NOD2: variants seen among roughly 807,000 people sequenced by gnomAD.
NOD2 encodes nucleotide binding oligomerization domain containing 2.
Under a neutral mutation model 90.9 loss-of-function variants are expected in NOD2, and 86 were observed. That is an observed-to-expected ratio of 0.95 (90% CI 0.79 to 1.13). NOD2 has a LOEUF of 1.13. NOD2 is among the 50% of genes most tolerant of loss of function. NOD2 has a pLI of 0.00. For missense variants in NOD2, 1,238 were observed against 1,283.8 expected (o/e 0.96, Z 0.55); for synonymous variants, 581 against 554.6 (o/e 1.05, Z -0.67).
intron 3 of NOD2, among the ~76,000 whole-genome samples, chr16:50,709,389 G>A (rs1053770911): frequency 1.3e-5 from 2 of 152,132 alleles, no homozygotes; most frequent in Non-Finnish European, 2.9e-5. Context: ...TGATGGCGGG[G>A]GACCATGCCA....
chr16:50,727,351 G>A lies in NOD2; in HGVS notation c.2885+1779G>A, dbSNP rs567619030. 4 of 166,210 alleles carry A rather than the reference G, an allele frequency of 2.4e-5. No homozygotes were observed. The Admixed American group carries it at 2.5e-4, about 10-fold the overall frequency. The allele number at this position is 166,210 out of a possible 1,614,324, so 10.3% of individuals were successfully genotyped here. On this transcript the variant is annotated intron_variant, in intron 10 of 11. Transcript: ENST00000647318. ...CACTGAGAGAATGTAGCTAACAAAA[G>A]TGAGTTGTAGGTTGGAGCAAAAGTA...
intron 10 of NOD2, among the ~76,000 whole-genome samples, chr16:50,729,610 T>C (rs898284577): frequency 6.6e-6 from 1 of 152,254 alleles, no homozygotes; most frequent in African/African-American, 2.4e-5. Flanking sequence ...TAAACTCATC[T>C]AGTGAATGGA....
intron 11 of NOD2, among the ~76,000 whole-genome samples, chr16:50,731,487 GC>G (rs1332057744): frequency 6.6e-6 from 1 of 152,140 alleles, no homozygotes; most frequent in African/African-American, 2.4e-5. Flanking sequence ...AGAATCACTG[GC>G]CTTGGGGAGT....
intron 11 of NOD2, 134 bp from the exon 12 acceptor site, chr16:50,731,613 C>A: frequency 1.4e-6 from 1 of 715,338 alleles, no homozygotes; most frequent in Non-Finnish European, 2.5e-6. Flanking sequence ...CCTGACTTCC[C>A]TGCAAGAAAC....
intron 1 of NOD2, among the ~76,000 whole-genome samples, chr16:50,695,459 T>C (rs1393953398): frequency 1.3e-5 from 2 of 152,052 alleles, no homozygotes; most frequent in African/African-American, 2.4e-5. Flanking sequence ...CTTGTGGAGT[T>C]TGAGCTGCCC....
intron 4 of NOD2, chr16:50,713,505 G>A (rs920621477): frequency 1.3e-5 from 2 of 151,990 alleles, no homozygotes; most frequent in African/African-American, 2.4e-5. Context: ...CATATATAGC[G>A]AATATATATA....
chr16:50,710,115 A>T (rs1964391279), intron 3 of NOD2: 3 of 433,080 alleles, frequency 6.9e-6, no homozygotes, highest in Non-Finnish European at 9.2e-6. Context: ...GATTTATCCA[A>T]AGCCACCCGG....
intron 2 of NOD2, 116 bp downstream of exon 2, chr16:50,700,070 C>T (rs1963869385): frequency 1.1e-6 from 1 of 936,684 alleles, no homozygotes; most frequent in East Asian, 2.6e-5. Context: ...GGGATTTCCC[C>T]TAAAAAGGTA....
intron 2 of NOD2, among the ~76,000 whole-genome samples, chr16:50,703,828 A>G (rs1292946336): frequency 1.3e-5 from 2 of 152,190 alleles, no homozygotes; most frequent in Non-Finnish European, 2.9e-5. Flanking sequence ...CTGGGAAGTC[A>G]GTCGGCAATG....
Position 50,710,835 on chromosome 16 carries a change from C to A in NOD2, c.843C>A (p.Leu281=), listed in dbSNP as rs1314130806. 6.2e-7 allele frequency: 1 copy of A among 1,614,084 alleles called. No homozygotes were observed. The highest frequency in any genetic ancestry group is 1.7e-5 in the Admixed American group (1 of 60,032). Residue 281 remains leucine, a synonymous_variant, in exon 4 of 12, where the codon CTC becomes CTA. Coordinates refer to ENST00000647318, the MANE Select transcript of NOD2 (RefSeq NM_001370466.1). The part of the protein sequence containing the change: ...VGEAGSGKST[L]LQRLHLLWAA... The stretch of plus-strand genomic sequence containing the variant: ...AGGCGGGCAGTGGCAAGAGCACGCT[C>A]CTGCAGCGGCTGCACTTGCTGTGGG...
At chr16:50,730,494 T>A (rs1259114915) in intron 11 of NOD2, among the ~76,000 whole-genome samples, 1 of 152,224 alleles carries the variant, frequency 6.6e-6, no homozygotes, top group African/African-American at 2.4e-5. Context: ...CCTTCTTGTT[T>A]CCAGGGATCT....
chr16:50,707,896 A>C lies in NOD2; in HGVS notation c.501A>C (p.Gly167=). The change falls in exon 3 of 12, where the codon GGA becomes GGC. Residue 167 remains glycine (G), a synonymous_variant. Transcript: ENST00000647318. ...ATCTTGCCACGGTGAAAGCGAATGG[A>C]TTGGCTGCCTTCCTTCTACAACATG... is the stretch of plus-strand genomic sequence containing the variant. ...LLDLATVKAN[G]LAAFLLQHVQ... 6.2e-7 allele frequency: 1 copy of C among 1,614,112 alleles called. No individual in the cohort carries two copies. The highest frequency in any genetic ancestry group is 8.5e-7 in the Non-Finnish European group (1 of 1,179,988).
chr16:50,730,034 C>G, intron 11 of NOD2, 133 bp downstream of exon 11: 1 of 683,268 alleles, frequency 1.5e-6, no homozygotes, highest in South Asian at 1.5e-5. Context: ...GAGAATGATT[C>G]TGCATGTGAA....
At chr16:50,709,144 T>C (rs1011700824) in intron 3 of NOD2, among the ~76,000 whole-genome samples, 1 of 152,162 alleles carries the variant, frequency 6.6e-6, no homozygotes, top group Non-Finnish European at 1.5e-5. Flanking sequence ...ATCTGATATG[T>C]ACTGGAGAGG....
Position 50,699,748 on chromosome 16 carries a change from G to C in NOD2, c.253G>C (p.Ala85Pro). 6.2e-7 allele frequency: 1 copy of C among 1,614,002 alleles called. No homozygotes were observed. Among genetic ancestry groups the C allele is most frequent in the Non-Finnish European group, 8.5e-7 (1 of 1,180,042 alleles). Reference protein sequence around the residue: ...KLIAAAQEAQADSQSPKLHGC... With the variant: ...KLIAAAQEAQPDSQSPKLHGC... ...CATCGCGGCTGCCCAAGAAGCCCAG[G>C]CCGACAGCCAGTCCCCCAAGCTGCA... Residue 85 changes from alanine to proline, a missense_variant, in exon 2 of 12, where the codon GCC becomes CCC. By Grantham distance (27) the Ala-to-Pro change is conservative. Around this residue, in one of 3 missense-constraint regions of NOD2, gnomAD observed 567 missense variants for 577.3 expected, o/e 0.98. Transcript: ENST00000647318.
chr16:50,696,318 G>A (rs2066850), intron 1 of NOD2: 29,937 of 152,216 alleles, frequency 0.2, 3,749 homozygotes, highest in Non-Finnish European at 0.29. Context: ...CACGTGGGTC[G>A]CCCCTTGACC....
intron 3 of NOD2, among the ~76,000 whole-genome samples, chr16:50,708,252 ACT>A (rs1487179863): frequency 1.3e-5 from 2 of 152,116 alleles, no homozygotes; most frequent in Non-Finnish European, 2.9e-5. Context: ...TACCATCCAA[ACT>A]CTCATTATCT....
At chr16:50,726,856 G>C (rs1965283046) in intron 10 of NOD2, among the ~76,000 whole-genome samples, 1 of 152,160 alleles carries the variant, frequency 6.6e-6, no homozygotes, top group South Asian at 2.1e-4. Context: ...GAGAGCCCAG[G>C]CTTGCTGGGT....
chr16:50,712,903 C>T lies in NOD2; in HGVS notation c.2381+530C>T, dbSNP rs143557663. 1,677 of 170,782 alleles carry T rather than the reference C, an allele frequency of 9.8e-3. 82 individuals carry two copies. Among genetic ancestry groups the T allele is most frequent in the Admixed American group, 0.076 (1,408 of 18,578 alleles). 10.6% of individuals were successfully genotyped at this position (170,782 alleles called of 1,614,324 possible). A position where few individuals can be genotyped will look rare whatever the true frequency, so the allele number is the denominator to read the frequency against. ...GTGCCCCATCAGAGACTTTAACACCCCAACCAGATGGGAATTTCAGGACCC... is the reference window on the plus strand; with the variant it reads ...GTGCCCCATCAGAGACTTTAACACCTCAACCAGATGGGAATTTCAGGACCC... On this transcript the variant is annotated intron_variant, in intron 4 of 11. Coordinates refer to ENST00000647318, the MANE Select transcript of NOD2 (RefSeq NM_001370466.1).
Sources: allele counts gnomAD v4.1 joint callset (sites outside exome capture counted in the v4.1 genomes callset), GRCh38; gene constraint gnomAD v4.1.1; regional missense constraint gnomAD v4.1.1; transcripts MANE v1.5; gene names NCBI Gene and HGNC (gene_info 2026-07-23, HGNC 2026-07-21).